CHD9: variants seen among roughly 807,000 people sequenced by gnomAD.
CHD9 encodes ATP-dependent chromatin remodeler CHD9.
CHD9 carries 77 observed loss-of-function variants against 316.1 expected under a neutral mutation model. The observed-to-expected ratio is 0.24, with a 90% CI of 0.20 to 0.29. The LOEUF (loss-of-function observed/expected upper bound fraction) is 0.29, where lower values mean the gene tolerates loss of function less well. Ranked by LOEUF, CHD9 falls within the 10% of genes least tolerant of loss-of-function variation. The pLI is 1.00. For synonymous variants in CHD9, 1,129 were observed against 1,158.3 expected, an observed-to-expected ratio of 0.97 and a Z score of 0.51; for missense variants, 2,763 against 3,438.1, an observed-to-expected ratio of 0.80 and a Z score of 4.91.
At chr16:53,091,593 G>A (rs1021769390) in intron 1 of CHD9, among the ~76,000 whole-genome samples, 1 of 152,172 alleles carries the variant, frequency 6.6e-6, no homozygotes, top group African/African-American at 2.4e-5. Flanking sequence ...GACCAAACTG[G>A]TTTGGTTTCC....
At chr16:53,195,190 C>G (rs2044795130) in intron 2 of CHD9, among the ~76,000 whole-genome samples, 1 of 152,178 alleles carries the variant, frequency 6.6e-6, no homozygotes, top group Non-Finnish European at 1.5e-5. Flanking sequence ...TAGCACAATT[C>G]TAGAAGCCTG....
intron 12 of CHD9, among the ~76,000 whole-genome samples, chr16:53,239,957 G>A (rs1392135565): frequency 6.6e-6 from 1 of 152,122 alleles, no homozygotes; most frequent in Non-Finnish European, 1.5e-5. Flanking sequence ...TTCAACCTTG[G>A]AAGTAGGAAG....
intron 2 of CHD9, among the ~76,000 whole-genome samples, chr16:53,165,613 T>C (rs1000548960): frequency 2.0e-4 from 31 of 152,146 alleles, no homozygotes; most frequent in Admixed American, 1.2e-3. Flanking sequence ...ATGTATTCGA[T>C]TGAAATACAT....
intron 1 of CHD9, among the ~76,000 whole-genome samples, chr16:53,109,165 C>T (rs2037626082): frequency 6.6e-6 from 1 of 152,056 alleles, no homozygotes; most frequent in Non-Finnish European, 1.5e-5. Flanking sequence ...TCCTGGGGCT[C>T]TCAGCCAGTT....
At chr16:53,102,489 CCAAA>C (rs1272288607) in intron 1 of CHD9, among the ~76,000 whole-genome samples, 3 of 151,946 alleles carry the variant, frequency 2.0e-5, no homozygotes, top group Non-Finnish European at 4.4e-5. Flanking sequence ...CTGATTCAAC[CCAAA>C]CAGTCTCACT....
At chr16:53,279,470 C>G (rs991734636) in intron 24 of CHD9, among the ~76,000 whole-genome samples, 10 of 152,112 alleles carry the variant, frequency 6.6e-5, no homozygotes, top group African/African-American at 2.2e-4. Flanking sequence ...TGTAACAAAT[C>G]TGCACGTTGT....
rs564597888 is a variant in CHD9, at chr16:53,156,599, A to G, written c.510A>G (p.Gln170=). ...HDFALFQANE[Q]QTQCTSLRSQ... ...TTGCCTTATTTCAGGCCAATGAACA[A>G]CAAACACAGTGTACTTCACTACGCT... Residue 170 remains glutamine (Q), a synonymous_variant, in exon 2 of 39, where the codon CAA becomes CAG. Transcript: ENST00000447540. 145 of 1,613,892 alleles carry G rather than the reference A, an allele frequency of 9.0e-5. No individual in the cohort carries two copies. Among genetic ancestry groups the G allele is most frequent in the Non-Finnish European group, 1.2e-4 (137 of 1,179,896 alleles).
intron 16 of CHD9, chr16:53,247,796 T>C (rs564645167): frequency 3.9e-6 from 1 of 255,348 alleles, no homozygotes; most frequent in South Asian, 8.2e-5. Flanking sequence ...ATAAACCTTG[T>C]GGATGAAACT....
intron 2 of CHD9, among the ~76,000 whole-genome samples, chr16:53,165,541 G>A (rs909188280): frequency 2.6e-5 from 4 of 151,942 alleles, no homozygotes; most frequent in Admixed American, 1.3e-4. Context: ...TTTAAAGGGA[G>A]GTCTCATATG....
chr16:53,117,766 T>A (rs2038429090), intron 1 of CHD9, among the ~76,000 whole-genome samples: 1 of 152,010 alleles, frequency 6.6e-6, no homozygotes, highest in Non-Finnish European at 1.5e-5. Context: ...AGGGGGAATG[T>A]TTTTTCAATT....
chr16:53,310,623 G>A (rs1005019719), intron 34 of CHD9, among the ~76,000 whole-genome samples: 2 of 151,638 alleles, frequency 1.3e-5, no homozygotes, highest in Non-Finnish European at 2.9e-5. Flanking sequence ...CGAGGCAGGC[G>A]GATCACCTGA....
At chr16:53,221,905 G>A (rs926189178) in intron 3 of CHD9, among the ~76,000 whole-genome samples, 3 of 151,718 alleles carry the variant, frequency 2.0e-5, no homozygotes, top group African/African-American at 7.3e-5. Flanking sequence ...AATTTAATAA[G>A]AGAAAAAAAT....
At chr16:53,247,545 G>T in intron 16 of CHD9, 42 bp downstream of exon 16, 1 of 1,355,942 alleles carries the variant, frequency 7.4e-7, no homozygotes, top group South Asian at 1.2e-5. Context: ...CTAAGTATAT[G>T]CTATTAAGAT....
At chr16:53,078,436 C>T (rs1398938324) in intron 1 of CHD9, among the ~76,000 whole-genome samples, 1 of 152,196 alleles carries the variant, frequency 6.6e-6, no homozygotes, top group African/African-American at 2.4e-5. Context: ...CCTGATGACA[C>T]AGCACAAAGG....
chr16:53,136,168 T>C (rs2039696231), intron 1 of CHD9, among the ~76,000 whole-genome samples: 1 of 152,210 alleles, frequency 6.6e-6, no homozygotes, highest in Non-Finnish European at 1.5e-5. Flanking sequence ...TTTGGCATTA[T>C]GAAGTTAACC....
chr16:53,175,639 A>T (rs927336210), intron 2 of CHD9, among the ~76,000 whole-genome samples: 17 of 152,222 alleles, frequency 1.1e-4, no homozygotes, highest in Non-Finnish European at 2.1e-4. Context: ...ATCTTTATAG[A>T]TACATTGTTG....
intron 2 of CHD9, among the ~76,000 whole-genome samples, chr16:53,202,191 A>G (rs1320170345): frequency 6.6e-6 from 1 of 152,096 alleles, no homozygotes; most frequent in Non-Finnish European, 1.5e-5. Context: ...CACAACTACA[A>G]AACCAGTTTC....
intron 2 of CHD9, among the ~76,000 whole-genome samples, chr16:53,175,223 T>G (rs1156847033): frequency 6.6e-6 from 1 of 152,194 alleles, no homozygotes; most frequent in East Asian, 1.9e-4. Flanking sequence ...CTGGAGGTCT[T>G]TCTCTGTGGA....
chr16:53,118,260 T>C (rs1263454246), intron 1 of CHD9, among the ~76,000 whole-genome samples: 1 of 152,020 alleles, frequency 6.6e-6, no homozygotes, highest in African/African-American at 2.4e-5. Context: ...CTACCAAAAA[T>C]ACAAAAATTA....
Sources: allele counts gnomAD v4.1 joint callset (sites outside exome capture counted in the v4.1 genomes callset), GRCh38; gene constraint gnomAD v4.1.1; transcripts MANE v1.5; gene names NCBI Gene and HGNC (gene_info 2026-07-23, HGNC 2026-07-21).